NSMCE2: variants seen among roughly 807,000 people sequenced by gnomAD.
NSMCE2 encodes the protein E3 SUMO-protein ligase NSE2.
A neutral mutation model predicts 23.8 loss-of-function variants in NSMCE2; 24 were observed. The observed-to-expected ratio is 1.01, with a 90% CI of 0.73 to 1.42. The LOEUF (loss-of-function observed/expected upper bound fraction) is 1.42. NSMCE2 is among the 40% of genes most tolerant of loss of function. The pLI is 0.00. For missense variants in NSMCE2, 284 were observed against 296.5 expected, an observed-to-expected ratio of 0.96 and a Z score of 0.31; for synonymous variants, 92 against 94.1, an observed-to-expected ratio of 0.98 and a Z score of 0.13.
intron 5 of NSMCE2, among the ~76,000 whole-genome samples, chr8:125,283,339 G>A (rs1018447568): frequency 2.0e-5 from 3 of 152,226 alleles, no homozygotes; most frequent in Middle Eastern, 3.4e-3. Flanking sequence ...CTTGAGTCCA[G>A]GAGTTCAAAA....
chr8:125,276,074 T>A (rs1196464075), intron 5 of NSMCE2, among the ~76,000 whole-genome samples: 4 of 152,226 alleles, frequency 2.6e-5, no homozygotes, highest in Non-Finnish European at 5.9e-5. Context: ...TCAAGATGTC[T>A]GCCAAAGAAA....
intron 4 of NSMCE2, among the ~76,000 whole-genome samples, chr8:125,167,343 C>T (rs1174208656): frequency 6.6e-6 from 1 of 152,090 alleles, no homozygotes; most frequent in African/African-American, 2.4e-5. Flanking sequence ...ATAATATAGG[C>T]TTTGTGTATT....
intron 4 of NSMCE2, among the ~76,000 whole-genome samples, chr8:125,174,791 G>A (rs759139250): frequency 3.9e-5 from 6 of 152,144 alleles, no homozygotes; most frequent in African/African-American, 9.7e-5. Flanking sequence ...TTGATGTGTC[G>A]TAATGCTCAA....
At chr8:125,105,945 G>A (rs899610296) in intron 3 of NSMCE2, among the ~76,000 whole-genome samples, 3 of 151,926 alleles carry the variant, frequency 2.0e-5, no homozygotes, top group African/African-American at 7.3e-5. Flanking sequence ...AGTTATATGG[G>A]AAAAAAAGTG....
intron 4 of NSMCE2, among the ~76,000 whole-genome samples, chr8:125,181,142 C>T (rs1002425446): frequency 6.6e-6 from 1 of 152,102 alleles, no homozygotes. Context: ...AAGGCAGCAG[C>T]TTGACTATAG....
intron 5 of NSMCE2, among the ~76,000 whole-genome samples, chr8:125,302,618 A>G (rs1828609549): frequency 6.6e-6 from 1 of 152,216 alleles, no homozygotes. Context: ...GACCTGTGTT[A>G]TACTTCTTAA....
rs962170492 is a variant in NSMCE2 at position 125,257,484 on chromosome 8, T to C, written c.418+75228T>C. 9.9e-5 allele frequency among the ~76,000 whole-genome samples: 15 copies of C among 151,380 alleles called. No individual in the cohort carries two copies. In the East Asian group the frequency reaches 2.1e-3, roughly 22 times the overall value. On this transcript the variant is annotated intron_variant, in intron 5 of 7. Transcript: ENST00000287437. ...TAAGATAAGGATTGAGGAAGGGTCA[T>C]TGGTAACTTTTGCCAAGCTGGACAA...
intron 4 of NSMCE2, among the ~76,000 whole-genome samples, chr8:125,154,003 A>G (rs560869585): frequency 3.9e-5 from 6 of 152,304 alleles, no homozygotes; most frequent in Admixed American, 3.9e-4. Context: ...CAAGGTGTTC[A>G]TGGCCTCTGA....
At chr8:125,313,768 G>A (rs1262180509) in intron 5 of NSMCE2, among the ~76,000 whole-genome samples, 2 of 151,950 alleles carry the variant, frequency 1.3e-5, no homozygotes, top group Non-Finnish European at 2.9e-5. Context: ...GCAGAGAAGG[G>A]AAGGAAAAAA....
chr8:125,141,953 T>C (rs1820394106), intron 3 of NSMCE2, among the ~76,000 whole-genome samples: 1 of 152,132 alleles, frequency 6.6e-6, no homozygotes, highest in Non-Finnish European at 1.5e-5. Flanking sequence ...GGTATGGTGT[T>C]TACAGTGCTT....
Position 125,366,915 on chromosome 8 carries a change from C to T in NSMCE2, c.*30C>T. The T allele has an allele frequency of 8.1e-7, 1 of 1,232,524 alleles. No individual in the cohort carries two copies. The highest frequency in any genetic ancestry group is 1.5e-5 in the African/African-American group (1 of 67,750). 76.3% of individuals were successfully genotyped at this position (1,232,524 alleles called of 1,614,324 possible). ...AGCCACCTGCCTGCAGGGACACCAG[C>T]AGCCTACCTCCTACCCCAGCTGTCT... On this transcript the variant is annotated 3_prime_UTR_variant, in exon 8 of 8. Transcript: ENST00000287437.
chr8:125,222,860 C>G (rs531463756), intron 5 of NSMCE2, among the ~76,000 whole-genome samples: 2 of 151,810 alleles, frequency 1.3e-5, no homozygotes, highest in East Asian at 3.9e-4. Flanking sequence ...CTCCGGAGTT[C>G]AAGACCAGCC....
intron 3 of NSMCE2, among the ~76,000 whole-genome samples, chr8:125,142,513 T>G (rs1820429298): frequency 1.3e-5 from 2 of 152,206 alleles, no homozygotes; most frequent in African/African-American, 4.8e-5. Context: ...TCACTGTGTT[T>G]GTAAAGAACC....
At chr8:125,152,225 G>A (rs959615246) in intron 4 of NSMCE2, among the ~76,000 whole-genome samples, 2 of 152,092 alleles carry the variant, frequency 1.3e-5, no homozygotes, top group Non-Finnish European at 1.5e-5. Context: ...AAATTTTGAC[G>A]TTTCTGGCTA....
intron 5 of NSMCE2, among the ~76,000 whole-genome samples, chr8:125,263,243 A>T (rs991804284): frequency 6.6e-6 from 1 of 152,170 alleles, no homozygotes; most frequent in African/African-American, 2.4e-5. Context: ...ATTGAATATA[A>T]ATCATTACCT....
At chr8:125,308,883 C>T (rs1345795860) in intron 5 of NSMCE2, among the ~76,000 whole-genome samples, 1 of 152,172 alleles carries the variant, frequency 6.6e-6, no homozygotes, top group Non-Finnish European at 1.5e-5. Context: ...TTCCTTACCC[C>T]CTGCCAGCCA....
intron 5 of NSMCE2, among the ~76,000 whole-genome samples, chr8:125,183,140 T>C (rs949105888): frequency 1.3e-5 from 2 of 152,204 alleles, no homozygotes; most frequent in African/African-American, 4.8e-5. Context: ...GAGTGTTGTA[T>C]GATATGAGAC....
rs545597759 is a variant in NSMCE2 at position 125,357,413 on chromosome 8, G to A, written c.519+94G>A. The A allele has an allele frequency of 5.7e-6, 5 of 882,488 alleles. No homozygotes were observed. In the African/African-American group the frequency reaches 8.3e-5, roughly 15 times the overall value. The allele number at this position is 882,488 out of a possible 1,614,324, so 54.7% of individuals were successfully genotyped here. A position where few individuals can be genotyped will look rare whatever the true frequency, so the allele number is the denominator to read the frequency against. On this transcript the variant is annotated intron_variant, in intron 6 of 7. Transcript: ENST00000287437. ...TGCTTTCTGGTTTGATTTCACTTAG[G>A]GAGTTAAGGAGGGAGTAAAGAAAAG...
chr8:125,345,526 C>T (rs192383864), intron 5 of NSMCE2, among the ~76,000 whole-genome samples: 1 of 152,336 alleles, frequency 6.6e-6, no homozygotes, highest in Non-Finnish European at 1.5e-5. Flanking sequence ...GAAGCTGAAT[C>T]AGACAGTTCC....
Sources: gnomAD v4.1 joint callset for allele counts (sites outside exome capture counted in the v4.1 genomes callset) on GRCh38, gnomAD v4.1.1 for gene constraint, MANE v1.5 for transcripts, NCBI Gene and HGNC (gene_info 2026-07-23, HGNC 2026-07-21) for gene names.